Variants in TEX9 observed in about 807,000 individuals in gnomAD.
The protein encoded by TEX9 is testis expressed 9, also known as testis-expressed protein 9.
A neutral mutation model predicts 59.6 loss-of-function variants in TEX9; 74 were observed. The ratio of observed to expected loss-of-function variants is 1.24; its 90% CI spans 1.03 to 1.51. The LOEUF is 1.51. TEX9 is among the 40% of genes most tolerant of loss of function. The pLI is 0.00. For missense variants in TEX9, 522 were observed against 447.8 expected, an observed-to-expected ratio of 1.17 and a Z score of -1.49; for synonymous variants, 186 against 152.2, an observed-to-expected ratio of 1.22 and a Z score of -1.64.
downstream of TEX9, among the ~76,000 whole-genome samples, chr15:56,446,684 G>A (rs1411491916): frequency 1.3e-5 from 2 of 151,842 alleles, no homozygotes; most frequent in South Asian, 4.2e-4. Flanking sequence ...ATGAAATCAC[G>A]CAGGATTTTC....
the TEX9 span, among the ~76,000 whole-genome samples, chr15:56,456,726 G>A: frequency 6.6e-6 from 1 of 152,014 alleles, no homozygotes; most frequent in Non-Finnish European, 1.5e-5. Context: ...ATAGTAAGAA[G>A]AATATTTAAA....
At chr15:56,427,086 G>GACTC (rs1215717238) in intron 10 of TEX9, among the ~76,000 whole-genome samples, 1 of 151,974 alleles carries the variant, frequency 6.6e-6, no homozygotes, top group Non-Finnish European at 1.5e-5. Context: ...CCTGCTCTCT[G>GACTC]ACTCCTCAGT....
chr15:56,419,508 G>A (rs367725427), intron 10 of TEX9, among the ~76,000 whole-genome samples: 19 of 151,830 alleles, frequency 1.3e-4, no homozygotes, highest in Non-Finnish European at 2.4e-4. Context: ...GCTTTTTCCC[G>A]TATCTATTGA....
chr15:56,318,312 A>G (rs1377800395), intron 1 of TEX9, among the ~76,000 whole-genome samples: 1 of 152,116 alleles, frequency 6.6e-6, no homozygotes, highest in Non-Finnish European at 1.5e-5. Flanking sequence ...TGATATAAAT[A>G]TAGCTGCTCC....
At chr15:56,386,173 A>G (rs7163544) in intron 4 of TEX9, among the ~76,000 whole-genome samples, 141,382 of 152,106 alleles carry the variant, frequency 0.93, 65,795 homozygotes, top group African/African-American at 0.98. Context: ...GAAAGAAGCC[A>G]GGCTAAAAAA....
At chr15:56,452,735 G>C in the TEX9 span, among the ~76,000 whole-genome samples, 1 of 151,956 alleles carries the variant, frequency 6.6e-6, no homozygotes, top group Non-Finnish European at 1.5e-5. Context: ...AGCCAGGATG[G>C]TCTCGATCTC....
chr15:56,347,058 A>C (rs1197405574), intron 1 of TEX9, among the ~76,000 whole-genome samples: 1 of 152,204 alleles, frequency 6.6e-6, no homozygotes, highest in African/African-American at 2.4e-5. Context: ...AAATCTGCAC[A>C]AACACTGATG....
chr15:56,436,197 T>C (rs1257220800), intron 12 of TEX9, among the ~76,000 whole-genome samples: 3 of 152,226 alleles, frequency 2.0e-5, no homozygotes, highest in East Asian at 3.9e-4. Context: ...GTTGACCACA[T>C]AGTTGGAAGT....
chr15:56,405,945 A>G (rs1245367598), intron 9 of TEX9, among the ~76,000 whole-genome samples: 1 of 152,224 alleles, frequency 6.6e-6, no homozygotes, highest in East Asian at 1.9e-4. Flanking sequence ...CTTTAAAATC[A>G]ACTTTATTGA....
At chr15:56,402,549 A>G (rs1215467707) in intron 9 of TEX9, among the ~76,000 whole-genome samples, 1 of 152,242 alleles carries the variant, frequency 6.6e-6, no homozygotes, top group African/African-American at 2.4e-5. Context: ...GGCGAATTCT[A>G]CCAGAGGTAT....
intron 1 of TEX9, among the ~76,000 whole-genome samples, chr15:56,357,078 T>C (rs1433197646): frequency 6.6e-6 from 1 of 152,132 alleles, no homozygotes; most frequent in African/African-American, 2.4e-5. Context: ...GTGCTGACTT[T>C]TCCCACCAAT....
chr15:56,288,582 G>C (rs2045007810), intron 1 of TEX9, among the ~76,000 whole-genome samples: 1 of 151,978 alleles, frequency 6.6e-6, no homozygotes. Context: ...TGGCCTGTAA[G>C]GTTTCTGCTG....
At chr15:56,456,497 C>A in the TEX9 span, 1 of 1,610,684 alleles carries the variant, frequency 6.2e-7, no homozygotes, top group Non-Finnish European at 8.5e-7. Context: ...AGCTGGAGTT[C>A]TTTCAATCTC....
chr15:56,280,909 A>G (rs1474755132), intron 1 of TEX9, among the ~76,000 whole-genome samples: 1 of 152,250 alleles, frequency 6.6e-6, no homozygotes, highest in Non-Finnish European at 1.5e-5. Context: ...CTGGGGTATC[A>G]GTAAATGACT....
intron 1 of TEX9, among the ~76,000 whole-genome samples, chr15:56,292,974 C>T (rs1393801911): frequency 1.3e-5 from 2 of 152,086 alleles, no homozygotes; most frequent in South Asian, 2.1e-4. Context: ...CTGAGAATAC[C>T]CCTTCAGTAA....
chr15:56,305,640 CT>C (rs1366835891), intron 1 of TEX9, among the ~76,000 whole-genome samples: 11 of 152,114 alleles, frequency 7.2e-5, no homozygotes, highest in African/African-American at 2.7e-4. Flanking sequence ...GGATTAAACA[CT>C]TGTCTAAGAC....
At chr15:56,294,744 T>C (rs2045178654) in intron 1 of TEX9, among the ~76,000 whole-genome samples, 1 of 152,186 alleles carries the variant, frequency 6.6e-6, no homozygotes, top group Non-Finnish European at 1.5e-5. Context: ...AATGCTTGGG[T>C]ATAACCCAAA....
intron 1 of TEX9, among the ~76,000 whole-genome samples, chr15:56,317,419 C>T (rs1310858731): frequency 6.6e-6 from 1 of 152,114 alleles, no homozygotes; most frequent in African/African-American, 2.4e-5. Context: ...TTAAGTTTTC[C>T]CCTCTCTTTT....
chr15:56,314,059 G>T, intron 1 of TEX9, among the ~76,000 whole-genome samples: 2 of 28,888 alleles, frequency 6.9e-5, no homozygotes, highest in Non-Finnish European at 1.1e-4. Flanking sequence ...TATTAGTCTT[G>T]CTAGCGGTCT....
Sources: gnomAD v4.1 joint callset for allele counts (sites outside exome capture counted in the v4.1 genomes callset) on GRCh38, gnomAD v4.1.1 for gene constraint, MANE v1.5 for transcripts, NCBI Gene and HGNC (gene_info 2026-07-23, HGNC 2026-07-21) for gene names.